PRSS12: variants seen among roughly 807,000 people sequenced by gnomAD.
The protein encoded by PRSS12 is serine protease 12, also known as neurotrypsin.
PRSS12 carries 85 observed loss-of-function variants against 104.4 expected under a neutral mutation model. The observed-to-expected ratio is 0.81, with a 90% CI of 0.68 to 0.98. PRSS12 has a LOEUF of 0.98. Ranked by LOEUF, PRSS12 falls within the 50% of genes least tolerant of loss-of-function variation. PRSS12 has a pLI of 0.00. For missense variants in PRSS12, 1,141 were observed against 1,139.2 expected, an observed-to-expected ratio of 1.00 and a Z score of -0.02; for synonymous variants, 454 against 425.2, an observed-to-expected ratio of 1.07 and a Z score of -0.83.
At chr4:118,326,030 CCT>C (rs1240722124) in intron 4 of PRSS12, among the ~76,000 whole-genome samples, 1 of 152,066 alleles carries the variant, frequency 6.6e-6, no homozygotes, top group Non-Finnish European at 1.5e-5. Flanking sequence ...TTTGTTTCCC[CCT>C]TACATACACA....
intron 4 of PRSS12, among the ~76,000 whole-genome samples, chr4:118,319,231 CTTTTTAT>C (rs1230405196): frequency 6.6e-6 from 1 of 151,940 alleles, no homozygotes; most frequent in Non-Finnish European, 1.5e-5. Flanking sequence ...GGCTAATTTT[CTTTTTAT>C]TTTTTATTTT....
intron 8 of PRSS12, among the ~76,000 whole-genome samples, chr4:118,301,258 TTA>T (rs1743400162): frequency 6.6e-6 from 1 of 152,224 alleles, no homozygotes; most frequent in East Asian, 1.9e-4. Flanking sequence ...TTCTTGGTCT[TTA>T]TAGTTCAGTA....
In PRSS12 at chr4:118,295,779, T is replaced by A; in HGVS notation, c.1915A>T (p.Arg639Trp). Residue 639 changes from arginine (R) to tryptophan (W), a missense_variant and splice_region_variant, in exon 10 of 13, where the codon AGG becomes TGG. Transcript: ENST00000296498. ...AATCTCTTTTGGAGGAACATTTACC[T>A]TAAAGAATTTTTCCCACCAATGATC... is the stretch of plus-strand genomic sequence containing the variant. Reference protein sequence around the residue: ...KRIIGGKNSLRGGWPWQVSLR... With the variant: ...KRIIGGKNSLWGGWPWQVSLR... 1 of 1,612,402 alleles carries A rather than the reference T, an allele frequency of 6.2e-7. No individual in the cohort carries two copies. Among genetic ancestry groups the A allele is most frequent in the Non-Finnish European group, 8.5e-7 (1 of 1,178,396 alleles).
chr4:118,309,654 C>T (rs974357037), intron 7 of PRSS12, among the ~76,000 whole-genome samples: 1 of 152,154 alleles, frequency 6.6e-6, no homozygotes, highest in Non-Finnish European at 1.5e-5. Context: ...ATCTGATTAC[C>T]TAGTTACTAG....
intron 1 of PRSS12, among the ~76,000 whole-genome samples, chr4:118,350,388 C>T (rs1724464726): frequency 6.6e-6 from 1 of 152,206 alleles, no homozygotes; most frequent in African/African-American, 2.4e-5. Context: ...TGCCACTCAT[C>T]TCAAAGCTAT....
intron 4 of PRSS12, among the ~76,000 whole-genome samples, chr4:118,324,877 A>G (rs1413937268): frequency 6.6e-6 from 1 of 151,596 alleles, no homozygotes; most frequent in Admixed American, 6.6e-5. Context: ...CACACCCACT[A>G]ATTTTTGAAT....
At chr4:118,309,408 G>T (rs1294671866) in intron 7 of PRSS12, among the ~76,000 whole-genome samples, 1 of 152,134 alleles carries the variant, frequency 6.6e-6, no homozygotes, top group Non-Finnish European at 1.5e-5. Context: ...TAGACATGAA[G>T]AGGATGATGT....
intron 1 of PRSS12, among the ~76,000 whole-genome samples, chr4:118,339,949 C>G (rs1161725672): frequency 6.6e-6 from 1 of 152,084 alleles, no homozygotes; most frequent in Non-Finnish European, 1.5e-5. Flanking sequence ...CCCTTAATCA[C>G]GAAGTTACTC....
intron 7 of PRSS12, among the ~76,000 whole-genome samples, chr4:118,309,252 G>GT (rs1743641983): frequency 6.6e-6 from 1 of 152,026 alleles, no homozygotes; most frequent in Non-Finnish European, 1.5e-5. Context: ...ACAAATGAAG[G>GT]GATTTGTAAA....
At chr4:118,315,354 T>C (rs189929442) in intron 6 of PRSS12, among the ~76,000 whole-genome samples, 1 of 152,306 alleles carries the variant, frequency 6.6e-6, no homozygotes, top group African/African-American at 2.4e-5. Context: ...TGGTTTTACA[T>C]TACTTTTATA....
intron 11 of PRSS12, among the ~76,000 whole-genome samples, chr4:118,288,119 G>T (rs1743051704): frequency 6.6e-6 from 1 of 152,150 alleles, no homozygotes; most frequent in African/African-American, 2.4e-5. Context: ...GTCTCTACAG[G>T]AAAACAGTAT....
intron 12 of PRSS12, among the ~76,000 whole-genome samples, chr4:118,282,572 A>G (rs899474169): frequency 1.3e-5 from 2 of 152,224 alleles, no homozygotes; most frequent in African/African-American, 4.8e-5. Context: ...GAATGCATTA[A>G]TGCTGGTTTC....
chr4:118,308,798 C>T (rs959445472), intron 7 of PRSS12, among the ~76,000 whole-genome samples: 1 of 152,160 alleles, frequency 6.6e-6, no homozygotes. Context: ...AACCTTGTAT[C>T]CCCAGACTGT....
At chr4:118,305,604 GGTTT>G (rs532286740) in intron 8 of PRSS12, among the ~76,000 whole-genome samples, 77 of 152,096 alleles carry the variant, frequency 5.1e-4, no homozygotes, top group African/African-American at 1.8e-3. Flanking sequence ...TCTTTTCTGA[GGTTT>G]GTTTGTTTGT....
At chr4:118,321,556 AGG>A (rs930317787) in intron 4 of PRSS12, among the ~76,000 whole-genome samples, 30 of 152,318 alleles carry the variant, frequency 2.0e-4, no homozygotes, top group African/African-American at 7.2e-4. Flanking sequence ...GCAGGGTTGT[AGG>A]AATTAAACTG....
chr4:118,315,375 TATATG>T (rs1743878706), intron 6 of PRSS12, among the ~76,000 whole-genome samples: 1 of 152,206 alleles, frequency 6.6e-6, no homozygotes, highest in African/African-American at 2.4e-5. Context: ...AATTTTAAAA[TATATG>T]TTTAACATGG....
chr4:118,313,234 A>G lies in PRSS12; in HGVS notation c.1456T>C (p.Tyr486His). Residue 486 changes from tyrosine (Y) to histidine (H), a missense_variant, in exon 7 of 13, where the codon TAC becomes CAC. Physicochemically the swap from Tyr to His is moderately conservative, Grantham distance 83. Transcript: ENST00000296498. ...AGCCTGTGTCCCTCGCCGCCAGGGT[A>G]GCAGGCAATGCTAACATCTTCGCGG... ...SHREDVSIAC[Y>H]PGGEGHRLSL... 1 of 1,613,974 alleles carries G rather than the reference A, an allele frequency of 6.2e-7. No individual in the cohort carries two copies.
chr4:118,346,007 A>C (rs1324478719), intron 1 of PRSS12, among the ~76,000 whole-genome samples: 2 of 152,230 alleles, frequency 1.3e-5, no homozygotes, highest in Non-Finnish European at 2.9e-5. Flanking sequence ...CAGTCTGGGC[A>C]AATGAAATGT....
intron 1 of PRSS12, among the ~76,000 whole-genome samples, chr4:118,351,291 T>C (rs1724496540): frequency 6.6e-6 from 1 of 152,174 alleles, no homozygotes; most frequent in African/African-American, 2.4e-5. Flanking sequence ...GCCAAAAATA[T>C]TTTGTTGAAA....
Sources: allele counts gnomAD v4.1 joint callset (sites outside exome capture counted in the v4.1 genomes callset), GRCh38; gene constraint gnomAD v4.1.1; transcripts MANE v1.5; gene names NCBI Gene and HGNC (gene_info 2026-07-23, HGNC 2026-07-21).